The following EHMT1 variants were observed in gnomAD, a reference collection of about 807,000 sequenced individuals.
EHMT1 encodes histone-lysine N-methyltransferase EHMT1.
EHMT1 carries 15 observed loss-of-function variants against 147.2 expected under a neutral mutation model. That is an observed-to-expected ratio of 0.10 (90% CI 0.07 to 0.16). The LOEUF is 0.16. Ranked by LOEUF, EHMT1 falls within the 10% of genes least tolerant of loss-of-function variation. The probability of loss-of-function intolerance (pLI) is 1.00; values close to 1 mark genes in which losing one functional copy is unlikely to be tolerated. For missense variants in EHMT1, 1,587 were observed against 1,772.4 expected, an observed-to-expected ratio of 0.90 and a Z score of 1.88; for synonymous variants, 795 against 709.6, an observed-to-expected ratio of 1.12 and a Z score of -1.91.
chr9:137,717,278 G>T (rs1357695152), intron 3 of EHMT1, 96 bp downstream of exon 3: 163 of 1,477,178 alleles, frequency 1.1e-4, no homozygotes, highest in Non-Finnish European at 1.2e-4. Context: ...AAGCCAGTAA[G>T]TGTCAGTGGT....
chr9:137,834,890 C>T lies in EHMT1; in HGVS notation c.3834C>T (p.Ala1278=), dbSNP rs886063742. The part of the protein sequence containing the change: ...AALAQRQASA[A]QEAQEDGLPD... ...TGGCCCAGCGTCAGGCCAGCGCGGCCCAGGAGGCCCAGGAGGACGGCTTGC... is the reference window on the plus strand; with the variant it reads ...TGGCCCAGCGTCAGGCCAGCGCGGCTCAGGAGGCCCAGGAGGACGGCTTGC... The change falls in exon 27 of 27, where the codon GCC becomes GCT. Residue 1278 remains alanine (A), a synonymous_variant. Coordinates refer to ENST00000460843, the MANE Select transcript of EHMT1 (RefSeq NM_024757.5). 9 of 1,604,022 alleles carry T rather than the reference C, an allele frequency of 5.6e-6. No homozygotes were observed. The highest frequency in any genetic ancestry group is 3.4e-5 in the Admixed American group (2 of 59,214).
At chr9:137,626,312 T>A (rs530330460) in intron 1 of EHMT1, among the ~76,000 whole-genome samples, 1 of 151,956 alleles carries the variant, frequency 6.6e-6, no homozygotes, top group Admixed American at 6.6e-5. Context: ...AAAAACTATT[T>A]AAAAAATGTC....
At position 137,786,831 on chromosome 9, in the gene EHMT1, C is replaced by G. The variant is rs116638775; in HGVS notation, c.2383-4017C>G. The G allele has an allele frequency of 3.3e-5, 5 of 152,504 alleles. No individual in the cohort carries two copies. The highest frequency in any genetic ancestry group is 7.3e-5 in the Non-Finnish European group (5 of 68,254). The allele number at this position is 152,504 out of a possible 1,614,324, so 9.4% of individuals were successfully genotyped here. A position where few individuals can be genotyped will look rare whatever the true frequency, so the allele number is the denominator to read the frequency against. On this transcript the variant is annotated intron_variant, in intron 15 of 26. Coordinates refer to ENST00000460843, the MANE Select transcript of EHMT1 (RefSeq NM_024757.5). This position sits in a 1 kb window ranked among gnomAD's most constrained non-coding sequence, Gnocchi z 4.3. ...GTGCAAAAAGTGCTTCCCTGGCAGC[C>G]GACCTGGAGTCCACCCCAGCCTTTC...
chr9:137,680,725 A>G (rs941966684), intron 1 of EHMT1, among the ~76,000 whole-genome samples: 3 of 152,196 alleles, frequency 2.0e-5, no homozygotes, highest in African/African-American at 7.2e-5. Flanking sequence ...GGGGGATGCA[A>G]AGAAGGTGCA....
At chr9:137,625,316 A>T (rs1843186638) in intron 1 of EHMT1, among the ~76,000 whole-genome samples, 1 of 152,188 alleles carries the variant, frequency 6.6e-6, no homozygotes, top group Admixed American at 6.5e-5. Context: ...CAGGTGCCTA[A>T]GTAGCTGTGA....
At chr9:137,760,120 T>C (rs1949691327) in intron 9 of EHMT1, among the ~76,000 whole-genome samples, 1 of 152,132 alleles carries the variant, frequency 6.6e-6, no homozygotes, top group Admixed American at 6.5e-5. Context: ...TCGGTAACCA[T>C]GGCAACGTGG....
At chr9:137,774,166 C>T (rs1478228529) in intron 10 of EHMT1, among the ~76,000 whole-genome samples, 1 of 152,254 alleles carries the variant, frequency 6.6e-6, no homozygotes, top group Non-Finnish European at 1.5e-5. Flanking sequence ...CCTGTGATGG[C>T]CTGGACTGTC....
At chr9:137,814,071 C>T (rs1340256807) in intron 21 of EHMT1, among the ~76,000 whole-genome samples, 6 of 94,942 alleles carry the variant, frequency 6.3e-5, no homozygotes, top group Non-Finnish European at 1.2e-4. Flanking sequence ...CCCCCCCCCC[C>T]GCCCCCCGCC....
chr9:137,813,822 C>T lies in EHMT1; in HGVS notation c.3180+292C>T, dbSNP rs1021436813. On this transcript the variant is annotated intron_variant, in intron 21 of 26. Coordinates refer to ENST00000460843, the MANE Select transcript of EHMT1 (RefSeq NM_024757.5). This position sits in a 1 kb window ranked among gnomAD's most constrained non-coding sequence, Gnocchi z 4.9. ...TTTGTAACCTCACACTCAGGGGCCCCGGTGTGGCTTCGTGCTGGGGGCACA... is the reference window on the plus strand; with the variant it reads ...TTTGTAACCTCACACTCAGGGGCCCTGGTGTGGCTTCGTGCTGGGGGCACA... Among the ~76,000 whole-genome samples, 3 of 152,138 alleles carry T rather than the reference C, an allele frequency of 2.0e-5. No individual in the cohort carries two copies. The highest frequency in any genetic ancestry group is 1.3e-4 in the Admixed American group (2 of 15,284).
At chr9:137,792,055 A>C (rs1223580247) in intron 16 of EHMT1, 2 of 464,906 alleles carry the variant, frequency 4.3e-6, no homozygotes, top group Non-Finnish European at 8.9e-6. Context: ...TTTTTTACAG[A>C]TACAGAAAAC....
intron 1 of EHMT1, among the ~76,000 whole-genome samples, chr9:137,695,136 C>T (rs762907165): frequency 2.6e-5 from 4 of 152,244 alleles, no homozygotes; most frequent in Non-Finnish European, 5.9e-5. Context: ...ACCCTGGGCA[C>T]CTGGATTACC....
In EHMT1 at chr9:137,822,690, C is replaced by T. The variant is rs544210761; in HGVS notation, c.3540+4552C>T. ...CGGGCGGATCACGAGGTCAGTAGTT[C>T]GAGACCAGCCTGACCAACATGGTGA... On this transcript the variant is annotated intron_variant, in intron 25 of 26. Coordinates refer to ENST00000460843, the MANE Select transcript of EHMT1 (RefSeq NM_024757.5). Among the ~76,000 whole-genome samples the T allele has an allele frequency of 1.5e-3, 235 of 152,130 alleles. 1 individual carries two copies. Among genetic ancestry groups the T allele is most frequent in the African/African-American group, 5.1e-3 (213 of 41,510 alleles).
At chr9:137,802,989 A>G (rs1054344170) in intron 18 of EHMT1, 2 of 1,231,994 alleles carry the variant, frequency 1.6e-6, no homozygotes, top group Non-Finnish European at 2.0e-6. Context: ...AAGGCAGAGA[A>G]CAAGGCAGAG....
intron 3 of EHMT1, among the ~76,000 whole-genome samples, chr9:137,717,605 CA>C (rs1163785484): frequency 0.042 from 2,951 of 69,612 alleles, 31 homozygotes; most frequent in South Asian, 0.062. Context: ...GACCCTGTCT[CA>C]AAAAAAAAAA....
In EHMT1 at chr9:137,828,259, C is replaced by T. The variant is rs1955953317; in HGVS notation, c.3541-6090C>T. On this transcript the variant is annotated intron_variant, in intron 25 of 26. Coordinates refer to ENST00000460843, the MANE Select transcript of EHMT1 (RefSeq NM_024757.5). The surrounding 1 kb of genome is among the most constrained non-coding windows in gnomAD (Gnocchi z 5.3). ...GTCAGAGGGGTGTGCCCAGGAGGAG[C>T]CCCTCTGCATTCTTCAGGGTGCATG... is the stretch of plus-strand genomic sequence containing the variant. Among the ~76,000 whole-genome samples the T allele has an allele frequency of 6.6e-6, 1 of 151,812 alleles. No individual in the cohort carries two copies. Among genetic ancestry groups the T allele is most frequent in the Non-Finnish European group, 1.5e-5 (1 of 67,894 alleles).
rs1026847466 is a variant in EHMT1, at chr9:137,619,069, G to T, written c.21+20G>T. On this transcript the variant is annotated intron_variant, in intron 1 of 26. Coordinates refer to ENST00000460843, the MANE Select transcript of EHMT1 (RefSeq NM_024757.5). ...GCCGAGGTGAGCAGCGGGGCCGGCG[G>T]GGGGCGGCGCGGGGGCGGCGGGCAG... The T allele has an allele frequency of 6.8e-6, 6 of 877,950 alleles. No homozygotes were observed. The highest frequency in any genetic ancestry group is 6.8e-6 in the Non-Finnish European group (5 of 734,986). 54.4% of individuals were successfully genotyped at this position (877,950 alleles called of 1,614,324 possible). A position where few individuals can be genotyped will look rare whatever the true frequency, so the allele number is the denominator to read the frequency against.
chr9:137,795,311 C>G (rs1206563396), intron 16 of EHMT1: 3 of 152,016 alleles, frequency 2.0e-5, no homozygotes, highest in African/African-American at 7.2e-5. Flanking sequence ...TATTCCAGGT[C>G]AGGGTTGTGA....
rs374363946 is a variant in EHMT1, at chr9:137,706,990, A to G, written c.22-3977A>G. Among the ~76,000 whole-genome samples the G allele has an allele frequency of 4.0e-5, 6 of 150,938 alleles. No individual in the cohort carries two copies. The East Asian group carries it at 1.2e-3, about 30-fold the overall frequency. Reference sequence around the variant, plus strand: ...CAGGCATGTGCCACCACTCCCGGCTAATTTTTATATTTTTAGTAGAGACGG... The same window carrying G: ...CAGGCATGTGCCACCACTCCCGGCTGATTTTTATATTTTTAGTAGAGACGG... On this transcript the variant is annotated intron_variant, in intron 1 of 26. Coordinates refer to ENST00000460843, the MANE Select transcript of EHMT1 (RefSeq NM_024757.5).
At chr9:137,806,550 C>G (rs1210326198) in intron 18 of EHMT1, among the ~76,000 whole-genome samples, 1 of 151,968 alleles carries the variant, frequency 6.6e-6, no homozygotes, top group Non-Finnish European at 1.5e-5. Flanking sequence ...ATTCTCCTGC[C>G]TCAGCCTCCT....
Sources: allele counts gnomAD v4.1 joint callset (sites outside exome capture counted in the v4.1 genomes callset), GRCh38; gene constraint gnomAD v4.1.1; non-coding constraint Gnocchi (gnomAD v3.1); transcripts MANE v1.5; gene names NCBI Gene and HGNC (gene_info 2026-07-23, HGNC 2026-07-21).